Variants in BZW2 observed in about 807,000 individuals in gnomAD.
The protein encoded by BZW2 is basic leucine zipper and W2 domains 2, also known as eIF5-mimic protein 1.
In BZW2, 23 loss-of-function variants were observed where a neutral mutation model predicts 53.2. The ratio of observed to expected loss-of-function variants is 0.43; its 90% CI spans 0.31 to 0.61. The LOEUF (loss-of-function observed/expected upper bound fraction) is 0.61. Ranked by LOEUF, BZW2 falls within the 20% of genes least tolerant of loss-of-function variation. The pLI, the probability that BZW2 is intolerant of heterozygous loss-of-function variation, is 0.09. For missense variants in BZW2, 409 were observed against 503.1 expected (o/e 0.81, Z 1.79); for synonymous variants, 227 against 186.4 (o/e 1.22, Z -1.77).
intron 1 of BZW2, among the ~76,000 whole-genome samples, chr7:16,661,877 T>C (rs903114577): frequency 4.6e-5 from 7 of 152,166 alleles, no homozygotes; most frequent in African/African-American, 1.4e-4. Flanking sequence ...TGTACCACCA[T>C]GGGGATTTGT....
intron 3 of BZW2, among the ~76,000 whole-genome samples, chr7:16,680,394 G>T (rs1433678779): frequency 6.6e-6 from 1 of 152,150 alleles, no homozygotes; most frequent in African/African-American, 2.4e-5. Flanking sequence ...AATATACTTT[G>T]GAAAGAACCA....
At chr7:16,701,654 A>C (rs1783671474) in intron 10 of BZW2, among the ~76,000 whole-genome samples, 1 of 151,096 alleles carries the variant, frequency 6.6e-6, no homozygotes, top group Non-Finnish European at 1.5e-5. Flanking sequence ...TGTCTCTTCG[A>C]TCCTCATGAA....
chr7:16,653,920 ATTACT>A (rs1933122215), intron 1 of BZW2, among the ~76,000 whole-genome samples: 1 of 151,706 alleles, frequency 6.6e-6, no homozygotes, highest in African/African-American at 2.4e-5. Flanking sequence ...TCAGTGTGTT[ATTACT>A]TTAAAGTTTT....
chr7:16,674,294 G>T, intron 2 of BZW2, 118 bp from the exon 3 acceptor site: 2 of 675,388 alleles, frequency 3.0e-6, no homozygotes, highest in Non-Finnish European at 4.6e-6. Context: ...ACATTCTTTG[G>T]CGATGCTCTG....
chr7:16,657,404 C>G (rs1378605369), intron 1 of BZW2, among the ~76,000 whole-genome samples: 1 of 152,118 alleles, frequency 6.6e-6, no homozygotes, highest in Non-Finnish European at 1.5e-5. Flanking sequence ...ATTTTTAAGT[C>G]ACACATTGTA....
At position 16,685,982 on chromosome 7, in the gene BZW2, T is replaced by C; in HGVS notation, c.483T>C (p.Asn161=). ...TGCTGTCGGGGATTCTGCTGGGCAATGGCACCCTGCCCGCCACCATCCTCA... is the reference window on the plus strand; with the variant it reads ...TGCTGTCGGGGATTCTGCTGGGCAACGGCACCCTGCCCGCCACCATCCTCA... The part of the protein sequence containing the change: ...LAMLSGILLG[N]GTLPATILTS... Residue 161 remains asparagine, a synonymous_variant, in exon 6 of 12, where the codon AAT becomes AAC. Coordinates refer to ENST00000258761, the MANE Select transcript of BZW2 (RefSeq NM_014038.3). The C allele has an allele frequency of 6.3e-7, 1 of 1,599,120 alleles. No homozygotes were observed. The highest frequency in any genetic ancestry group is 1.4e-5 in the African/African-American group (1 of 73,984).
At chr7:16,697,324 C>G (rs1477343336) in intron 9 of BZW2, among the ~76,000 whole-genome samples, 1 of 152,160 alleles carries the variant, frequency 6.6e-6, no homozygotes, top group African/African-American at 2.4e-5. Flanking sequence ...CTCCTGCATT[C>G]AAGCTATCCT....
chr7:16,688,986 G>T (rs2128365221), intron 6 of BZW2, among the ~76,000 whole-genome samples: 1 of 152,294 alleles, frequency 6.6e-6, no homozygotes, highest in African/African-American at 2.4e-5. Context: ...AGCAATTTGG[G>T]AGGCCAAGGC....
Position 16,671,278 on chromosome 7 carries a change from A to G in BZW2, c.59-3134A>G, listed in dbSNP as rs190084148. ...AATGTTTAGGGTTTATATTTTTGTG[A>G]CATTGTACATGCTATTCACAGCTGA... is the stretch of plus-strand genomic sequence containing the variant. On this transcript the variant is annotated intron_variant, in intron 2 of 11. Transcript: ENST00000258761. Among the ~76,000 whole-genome samples the G allele has an allele frequency of 2.6e-5, 4 of 152,204 alleles. No homozygotes were observed. In the East Asian group the frequency reaches 7.7e-4, roughly 29 times the overall value.
intron 1 of BZW2, among the ~76,000 whole-genome samples, chr7:16,648,398 C>T (rs1207487623): frequency 6.6e-6 from 1 of 152,094 alleles, no homozygotes; most frequent in Non-Finnish European, 1.5e-5. Flanking sequence ...AATAATTTGC[C>T]CACAATCCCA....
At chr7:16,647,646 G>A (rs1781900205) in intron 1 of BZW2, among the ~76,000 whole-genome samples, 1 of 152,186 alleles carries the variant, frequency 6.6e-6, no homozygotes. Context: ...CTTTAATAAT[G>A]ATGTGGCTGT....
chr7:16,681,908 G>C (rs918059942), intron 4 of BZW2, among the ~76,000 whole-genome samples: 8 of 152,030 alleles, frequency 5.3e-5, no homozygotes, highest in Non-Finnish European at 1.0e-4. Flanking sequence ...TTTATTCTTG[G>C]ATCAGGAGAA....
chr7:16,656,074 CATAT>C (rs762408525), intron 1 of BZW2, among the ~76,000 whole-genome samples: 1 of 149,528 alleles, frequency 6.7e-6, no homozygotes, highest in East Asian at 1.9e-4. Context: ...TCTCAATAGT[CATAT>C]ATATGTGTGT....
At chr7:16,661,547 A>G (rs756330479) in intron 1 of BZW2, among the ~76,000 whole-genome samples, 8 of 152,164 alleles carry the variant, frequency 5.3e-5, no homozygotes, top group Non-Finnish European at 1.2e-4. Context: ...GGTTAGACCT[A>G]AAAACCTTTC....
intron 10 of BZW2, among the ~76,000 whole-genome samples, chr7:16,699,911 G>A (rs1377262854): frequency 6.6e-6 from 1 of 152,080 alleles, no homozygotes; most frequent in Non-Finnish European, 1.5e-5. Context: ...CCTGAAATTA[G>A]AAAATAACTC....
chr7:16,652,389 A>G (rs148760957), intron 1 of BZW2, among the ~76,000 whole-genome samples: 1 of 152,180 alleles, frequency 6.6e-6, no homozygotes, highest in African/African-American at 2.4e-5. Flanking sequence ...AATACTTGGA[A>G]CAAAGCTCCA....
At chr7:16,663,129 T>G (rs1370415508) in intron 1 of BZW2, among the ~76,000 whole-genome samples, 1 of 152,206 alleles carries the variant, frequency 6.6e-6, no homozygotes, top group Non-Finnish European at 1.5e-5. Context: ...AGAAGCTCTA[T>G]TTTCAACATC....
At chr7:16,666,854 A>G (rs1782444822) in intron 2 of BZW2, among the ~76,000 whole-genome samples, 1 of 152,104 alleles carries the variant, frequency 6.6e-6, no homozygotes, top group Non-Finnish European at 1.5e-5. Context: ...GGTTCAAGCG[A>G]TGTTCATGTC....
chr7:16,695,049 A>T (rs1351112504), intron 8 of BZW2, 45 bp downstream of exon 8: 2 of 1,469,322 alleles, frequency 1.4e-6, no homozygotes, highest in South Asian at 2.9e-5. Context: ...CATGAATGAG[A>T]GGAATTACAT....
Sources: gnomAD v4.1 joint callset for allele counts (sites outside exome capture counted in the v4.1 genomes callset) on GRCh38, gnomAD v4.1.1 for gene constraint, MANE v1.5 for transcripts, NCBI Gene and HGNC (gene_info 2026-07-23, HGNC 2026-07-21) for gene names.